Variants in CSMD3 observed in about 807,000 individuals in gnomAD.
CSMD3 encodes CUB and sushi domain-containing protein 3.
In CSMD3, 177 loss-of-function variants were observed where a neutral mutation model predicts 435.2. That is an observed-to-expected ratio of 0.41 (90% CI 0.36 to 0.46). CSMD3 has a LOEUF of 0.46. CSMD3 is among the 20% of genes least tolerant of loss of function. The pLI is 0.34. For synonymous variants in CSMD3, 1,656 were observed against 1,520.5 expected (o/e 1.09, Z -2.07); for missense variants, 4,265 against 4,504.6 (o/e 0.95, Z 1.52).
chr8:113,248,486 C>T (rs1281392680), intron 3 of CSMD3, among the ~76,000 whole-genome samples: 1 of 132,628 alleles, frequency 7.5e-6, no homozygotes, highest in East Asian at 2.1e-4. Flanking sequence ...TGTATATATA[C>T]ATATATATAC....
chr8:113,067,800 C>A (rs2088926745), intron 5 of CSMD3, among the ~76,000 whole-genome samples: 1 of 151,986 alleles, frequency 6.6e-6, no homozygotes, highest in Non-Finnish European at 1.5e-5. Context: ...GTGGTTAATG[C>A]ATGGTGTGCT....
chr8:112,933,305 T>C (rs1020562441), intron 9 of CSMD3, among the ~76,000 whole-genome samples: 1 of 152,220 alleles, frequency 6.6e-6, no homozygotes, highest in African/African-American at 2.4e-5. Flanking sequence ...AAGCGTTCTA[T>C]AATGGTATGA....
At chr8:113,208,713 T>C (rs1315483877) in intron 3 of CSMD3, among the ~76,000 whole-genome samples, 1 of 152,052 alleles carries the variant, frequency 6.6e-6, no homozygotes, top group Non-Finnish European at 1.5e-5. Context: ...AAAATTTCAT[T>C]AATCTTTTTT....
At chr8:113,403,096 T>A (rs1213570627) in intron 1 of CSMD3, among the ~76,000 whole-genome samples, 1 of 151,314 alleles carries the variant, frequency 6.6e-6, no homozygotes, top group Admixed American at 6.6e-5. Context: ...CCTACTAAAC[T>A]AGAAATGAAT....
At chr8:112,636,704 A>T in intron 22 of CSMD3, 113 bp downstream of exon 22, 1 of 922,834 alleles carries the variant, frequency 1.1e-6, no homozygotes, top group Non-Finnish European at 1.7e-6. Context: ...TGAAATAATT[A>T]ATGTGAAATA....
At chr8:112,410,585 C>CATATGTATATATATGTGTATATATAT (rs1832258709) in intron 32 of CSMD3, among the ~76,000 whole-genome samples, 4 of 74,042 alleles carry the variant, frequency 5.4e-5, no homozygotes, top group African/African-American at 1.7e-4. Flanking sequence ...TATATACATA[C>CATATGTATATATATGTGTATATATAT]ATATGTATAT....
intron 3 of CSMD3, among the ~76,000 whole-genome samples, chr8:113,174,947 C>T (rs1461991412): frequency 1.3e-5 from 2 of 151,720 alleles, no homozygotes; most frequent in East Asian, 1.9e-4. Context: ...CTAATTAAGA[C>T]TATATGGGAA....
intron 59 of CSMD3, among the ~76,000 whole-genome samples, chr8:112,270,361 T>TGTGTGTGTGTGTGTGTGTTAGGGGTGA (rs1554623013): frequency 0.015 from 2,008 of 135,508 alleles, 45 homozygotes; most frequent in East Asian, 0.036. Flanking sequence ...TGTGTGTGTG[T>TGTGTGTGTGTGTGTGTGTTAGGGGTGA]GTGTGTGTGT....
chr8:112,296,976 A>G (rs1052431153), intron 53 of CSMD3, among the ~76,000 whole-genome samples: 1 of 151,898 alleles, frequency 6.6e-6, no homozygotes, highest in Non-Finnish European at 1.5e-5. Flanking sequence ...ACATTTTAAC[A>G]CTTCAGAAGA....
Position 112,503,861 on chromosome 8 carries a change from G to A in CSMD3, c.5012C>T (p.Ser1671Leu), listed in dbSNP as rs1285159218. 3.1e-6 allele frequency: 5 copies of A among 1,613,024 alleles called. No individual in the cohort carries two copies. In the South Asian group the frequency reaches 4.4e-5, roughly 14 times the overall value. ...SKLPERIESS[S>L]NTMHLAFRSD... ...CCGAAAAGCCAAATGCATTGTATTTGAGCTGCTTTCTATTCTCTCTGGTAA... is the reference window on the plus strand; with the variant it reads ...CCGAAAAGCCAAATGCATTGTATTTAAGCTGCTTTCTATTCTCTCTGGTAA... Residue 1671 changes from serine (S) to leucine (L), a missense_variant, in exon 30 of 71, where the codon TCA (serine) becomes TTA (leucine). This residue lies in a region of CSMD3 where 3,255 missense variants were observed against 3,380.2 expected (regional missense o/e 0.96). Coordinates refer to ENST00000297405, the MANE Select transcript of CSMD3 (RefSeq NM_198123.2).
intron 5 of CSMD3, among the ~76,000 whole-genome samples, chr8:113,070,296 G>A (rs189816181): frequency 1.3e-5 from 2 of 152,022 alleles, no homozygotes; most frequent in Admixed American, 1.3e-4. Flanking sequence ...GTGTTTAAAG[G>A]TAAATATATT....
At chr8:113,378,842 T>G (rs2094402173) in intron 1 of CSMD3, among the ~76,000 whole-genome samples, 1 of 151,766 alleles carries the variant, frequency 6.6e-6, no homozygotes, top group African/African-American at 2.4e-5. Context: ...CTAAACATTC[T>G]TCAGTGCAGA....
chr8:113,311,110 G>A (rs1021154928), intron 2 of CSMD3: 1 of 151,908 alleles, frequency 6.6e-6, no homozygotes, highest in South Asian at 2.1e-4. Context: ...TTACTTGTTG[G>A]TATAAGTTTA....
At chr8:112,797,564 A>G (rs1440735469) in intron 13 of CSMD3, among the ~76,000 whole-genome samples, 2 of 151,914 alleles carry the variant, frequency 1.3e-5, no homozygotes, top group African/African-American at 4.8e-5. Context: ...TTTAGAGGAC[A>G]TGTACATTTA....
intron 36 of CSMD3, among the ~76,000 whole-genome samples, chr8:112,385,302 A>C (rs544727056): frequency 6.6e-6 from 1 of 152,300 alleles, no homozygotes; most frequent in South Asian, 2.1e-4. Context: ...CAAATTCATA[A>C]ATTCATTGTA....
intron 3 of CSMD3, among the ~76,000 whole-genome samples, chr8:113,256,505 A>T (rs751490058): frequency 2.6e-4 from 40 of 152,314 alleles, no homozygotes; most frequent in Non-Finnish European, 4.7e-4. Flanking sequence ...AGGAAAAGTT[A>T]TAACTGAGTT....
chr8:112,584,308 G>T (rs1830550042), intron 23 of CSMD3, among the ~76,000 whole-genome samples: 1 of 151,634 alleles, frequency 6.6e-6, no homozygotes, highest in African/African-American at 2.4e-5. Context: ...CAGAAAACCT[G>T]GGAGGCGTGC....
intron 1 of CSMD3, among the ~76,000 whole-genome samples, chr8:113,334,812 G>A (rs760368541): frequency 2.0e-5 from 3 of 151,740 alleles, no homozygotes; most frequent in East Asian, 1.9e-4. Context: ...TTAAGGAATC[G>A]GTGCATTTTG....
At chr8:112,934,392 C>T (rs932510948) in intron 9 of CSMD3, among the ~76,000 whole-genome samples, 1 of 152,228 alleles carries the variant, frequency 6.6e-6, no homozygotes, top group South Asian at 2.1e-4. Context: ...ACATAGGTTG[C>T]TACAGTATAC....
Sources: gnomAD v4.1 joint callset for allele counts (sites outside exome capture counted in the v4.1 genomes callset) on GRCh38, gnomAD v4.1.1 for gene constraint, gnomAD v4.1.1 regional missense constraint, MANE v1.5 for transcripts, NCBI Gene and HGNC (gene_info 2026-07-23, HGNC 2026-07-21) for gene names.